LIN52: variants seen among roughly 807,000 people sequenced by gnomAD.
The protein encoded by LIN52 is lin-52 DREAM MuvB core complex component, also known as protein lin-52 homolog.
LIN52 carries 4 observed loss-of-function variants against 18.5 expected under a neutral mutation model. That is an observed-to-expected ratio of 0.22 (90% CI 0.11 to 0.49). The LOEUF is 0.49. Among genes scored for constraint, LIN52 ranks in the 20% least tolerant of loss-of-function variants. The probability of loss-of-function intolerance (pLI) is 0.97; values close to 1 mark genes in which losing one functional copy is unlikely to be tolerated. For missense variants in LIN52, 102 were observed against 139.5 expected (o/e 0.73, Z 1.35); for synonymous variants, 34 against 45.5 (o/e 0.75, Z 1.02).
intron 5 of LIN52, among the ~76,000 whole-genome samples, chr14:74,180,358 C>T (rs574933148): frequency 9.3e-5 from 14 of 150,936 alleles, no homozygotes; most frequent in Middle Eastern, 3.5e-3. Context: ...CTCCGCCTCC[C>T]GGGTTCACGC....
intron 5 of LIN52, among the ~76,000 whole-genome samples, chr14:74,159,266 A>C (rs568730616): frequency 6.6e-6 from 1 of 152,280 alleles, no homozygotes; most frequent in East Asian, 1.9e-4. Flanking sequence ...TTCTCCCTAC[A>C]ATTTTTAAAT....
chr14:74,167,494 G>C (rs2061254708), intron 5 of LIN52, among the ~76,000 whole-genome samples: 1 of 152,076 alleles, frequency 6.6e-6, no homozygotes, highest in South Asian at 2.1e-4. Context: ...TCAAACTCCT[G>C]ACCTCAAGTG....
chr14:74,090,054 T>C (rs2060762995), intron 1 of LIN52, among the ~76,000 whole-genome samples: 1 of 151,206 alleles, frequency 6.6e-6, no homozygotes, highest in Non-Finnish European at 1.5e-5. Flanking sequence ...AGTCTTGCTT[T>C]GTTGCCCAGG....
intron 5 of LIN52, among the ~76,000 whole-genome samples, chr14:74,109,608 T>C (rs2060915412): frequency 6.6e-6 from 1 of 152,284 alleles, no homozygotes. Context: ...GAAATTGGGA[T>C]GTGTGAGCTT....
intron 5 of LIN52, among the ~76,000 whole-genome samples, chr14:74,165,192 A>G (rs1264716434): frequency 6.6e-6 from 1 of 152,192 alleles, no homozygotes; most frequent in African/African-American, 2.4e-5. Flanking sequence ...ATGTTAATTT[A>G]AGTTACCATG....
intron 5 of LIN52, among the ~76,000 whole-genome samples, chr14:74,194,590 TC>T (rs1375678227): frequency 1.3e-5 from 2 of 152,054 alleles, no homozygotes; most frequent in East Asian, 3.9e-4. Context: ...TAGTAGCCAG[TC>T]CCCTCTCCAC....
At chr14:74,113,417 G>GA in intron 5 of LIN52, among the ~76,000 whole-genome samples, 1 of 151,926 alleles carries the variant, frequency 6.6e-6, no homozygotes, top group Middle Eastern at 3.4e-3. Flanking sequence ...AGGAAAGAAA[G>GA]AAAACCTTAA....
At chr14:74,124,900 A>C (rs1309160106) in intron 5 of LIN52, among the ~76,000 whole-genome samples, 2 of 152,010 alleles carry the variant, frequency 1.3e-5, no homozygotes, top group African/African-American at 4.8e-5. Context: ...CAAACAACAA[A>C]AGGAGACATA....
chr14:74,095,409 A>G (rs1461604571), intron 2 of LIN52, among the ~76,000 whole-genome samples: 2 of 151,976 alleles, frequency 1.3e-5, no homozygotes, highest in Non-Finnish European at 2.9e-5. Context: ...TGCTGGGACT[A>G]CAGGCATGAG....
At chr14:74,197,365 A>T (rs1463787640) in intron 5 of LIN52, among the ~76,000 whole-genome samples, 3 of 152,244 alleles carry the variant, frequency 2.0e-5, no homozygotes, top group Non-Finnish European at 4.4e-5. Context: ...TGAATTAATC[A>T]GAAATGTTAA....
intron 5 of LIN52, among the ~76,000 whole-genome samples, chr14:74,129,081 G>T (rs1389317762): frequency 6.6e-6 from 1 of 152,172 alleles, no homozygotes; most frequent in Non-Finnish European, 1.5e-5. Context: ...TTAAATGTAT[G>T]AATGAGTGAG....
At chr14:74,085,558 G>T (rs1000782752) in intron 1 of LIN52, 8 of 152,222 alleles carry the variant, frequency 5.3e-5, no homozygotes, top group African/African-American at 1.9e-4. Flanking sequence ...CCTGAGAGTC[G>T]CGAGGAGAAT....
chr14:74,087,597 G>C (rs946595420), intron 1 of LIN52, among the ~76,000 whole-genome samples: 94 of 151,906 alleles, frequency 6.2e-4, no homozygotes, highest in African/African-American at 2.2e-3. Flanking sequence ...CTTAAATTCA[G>C]CTTCTAAATA....
At chr14:74,103,733 GTTTT>G (rs573188668) in intron 5 of LIN52, among the ~76,000 whole-genome samples, 70 of 46,018 alleles carry the variant, frequency 1.5e-3, no homozygotes, top group Middle Eastern at 0.018. Context: ...GGCCTGGCCA[GTTTT>G]TTTTTTTTTT....
intron 5 of LIN52, among the ~76,000 whole-genome samples, chr14:74,182,131 C>T (rs1337828847): frequency 1.4e-5 from 2 of 148,096 alleles, no homozygotes; most frequent in Non-Finnish European, 3.0e-5. Context: ...CCACCCCAGC[C>T]TTCTGAGTTG....
At chr14:74,119,355 AG>A (rs2060984668) in intron 5 of LIN52, among the ~76,000 whole-genome samples, 1 of 151,664 alleles carries the variant, frequency 6.6e-6, no homozygotes, top group Non-Finnish European at 1.5e-5. Context: ...TAGTAGAGAC[AG>A]GGTTTCACTG....
intron 5 of LIN52, among the ~76,000 whole-genome samples, chr14:74,183,914 G>A (rs903988130): frequency 6.6e-6 from 1 of 151,948 alleles, no homozygotes; most frequent in Non-Finnish European, 1.5e-5. Context: ...TGTCCAGTTC[G>A]GCTCAAAATT....
chr14:74,120,390 C>T (rs932877803), intron 5 of LIN52, among the ~76,000 whole-genome samples: 2 of 151,000 alleles, frequency 1.3e-5, no homozygotes, highest in African/African-American at 4.9e-5. Flanking sequence ...AGGCCAAGGC[C>T]GGTGGATCAC....
At chr14:74,179,886 G>T (rs1048951025) in intron 5 of LIN52, among the ~76,000 whole-genome samples, 1 of 152,098 alleles carries the variant, frequency 6.6e-6, no homozygotes, top group Non-Finnish European at 1.5e-5. Flanking sequence ...GATAATATAG[G>T]CTAATGGTTT....
Sources: allele counts gnomAD v4.1 joint callset (sites outside exome capture counted in the v4.1 genomes callset), GRCh38; gene constraint gnomAD v4.1.1; transcripts MANE v1.5; gene names NCBI Gene and HGNC (gene_info 2026-07-23, HGNC 2026-07-21).